The following LINC00305 variants were observed in gnomAD, a reference collection of about 807,000 sequenced individuals.
The protein encoded by LINC00305 is long intergenic non-protein coding RNA 305.
At chr18:64,147,742 G>A (rs145685157) in intron 1 of LINC00305, among the ~76,000 whole-genome samples, 60 of 152,250 alleles carry the variant, frequency 3.9e-4, no homozygotes, top group African/African-American at 1.4e-3. Context: ...ATATGATGAC[G>A]TGGATTGATA....
intron 1 of LINC00305, among the ~76,000 whole-genome samples, chr18:64,139,781 G>A (rs1197037131): frequency 1.3e-5 from 2 of 152,080 alleles, no homozygotes; most frequent in Non-Finnish European, 2.9e-5. Flanking sequence ...TCTAGAAGTT[G>A]TCCTTTTAAC....
intron 3 of LINC00305, among the ~76,000 whole-genome samples, chr18:64,085,823 C>T (rs1157984667): frequency 1.3e-5 from 2 of 152,194 alleles, no homozygotes; most frequent in Non-Finnish European, 2.9e-5. Context: ...ATGGGGACAA[C>T]TCTAGCTTTA....
chr18:64,080,159 C>T (rs1050689280), exon 4 of LINC00305: 1 of 221,928 alleles, frequency 4.5e-6, no homozygotes, highest in African/African-American at 2.3e-5. Flanking sequence ...CTGCATGAGA[C>T]CTTTCAATGG....
exon 3 of LINC00305, chr18:64,097,981 T>A (rs189894809): frequency 2.3e-4 from 107 of 457,808 alleles, no homozygotes; most frequent in Non-Finnish European, 4.4e-4. Context: ...TCTTTGCAGG[T>A]CGCAGAGATG....
chr18:64,112,958 T>A (rs1227320704), intron 1 of LINC00305, among the ~76,000 whole-genome samples: 1 of 152,226 alleles, frequency 6.6e-6, no homozygotes, highest in Non-Finnish European at 1.5e-5. Context: ...TCCTGAGCCT[T>A]CTACTGAGAG....
chr18:64,125,047 C>T (rs1241725870), intron 1 of LINC00305, among the ~76,000 whole-genome samples: 1 of 152,108 alleles, frequency 6.6e-6, no homozygotes, highest in African/African-American at 2.4e-5. Context: ...TGACACTGCT[C>T]ACAGTGAGTT....
At chr18:64,119,612 G>C (rs1191765408) in intron 1 of LINC00305, among the ~76,000 whole-genome samples, 1 of 152,012 alleles carries the variant, frequency 6.6e-6, no homozygotes, top group Non-Finnish European at 1.5e-5. Context: ...TGTCAACAAT[G>C]CTTTTTCACA....
chr18:64,099,392 A>T (rs1294045180), intron 1 of LINC00305, among the ~76,000 whole-genome samples: 1 of 152,112 alleles, frequency 6.6e-6, no homozygotes, highest in Non-Finnish European at 1.5e-5. Flanking sequence ...CTCATAGGGG[A>T]ATCAGAGAGG....
intron 1 of LINC00305, among the ~76,000 whole-genome samples, chr18:64,111,943 T>G (rs1345703519): frequency 6.6e-6 from 1 of 152,242 alleles, no homozygotes; most frequent in Non-Finnish European, 1.5e-5. Context: ...AAGTGAGAGC[T>G]TAATGTGGAT....
At chr18:64,140,273 A>T (rs979989226) in intron 1 of LINC00305, among the ~76,000 whole-genome samples, 8 of 151,858 alleles carry the variant, frequency 5.3e-5, no homozygotes, top group Admixed American at 2.0e-4. Flanking sequence ...CAGTAGTGTG[A>T]TGTCAGCTCA....
At chr18:64,142,848 G>A (rs1244021656) in intron 1 of LINC00305, among the ~76,000 whole-genome samples, 1 of 152,102 alleles carries the variant, frequency 6.6e-6, no homozygotes, top group Non-Finnish European at 1.5e-5. Flanking sequence ...AAAACGAGAT[G>A]GATGCATGCC....
chr18:64,121,656 G>C (rs776838339), intron 1 of LINC00305, among the ~76,000 whole-genome samples: 1 of 151,880 alleles, frequency 6.6e-6, no homozygotes, highest in Non-Finnish European at 1.5e-5. Flanking sequence ...ATAAACATAC[G>C]GGCACAGGTA....
intron 3 of LINC00305, among the ~76,000 whole-genome samples, chr18:64,088,310 TC>T (rs2144893666): frequency 6.6e-6 from 1 of 152,330 alleles, no homozygotes. Context: ...TTCTTCTGTT[TC>T]CATCTCCTTA....
chr18:64,086,000 C>A lies in LINC00305; in HGVS notation n.541-5598G>T, dbSNP rs1021827697. Among the ~76,000 whole-genome samples the A allele has an allele frequency of 3.3e-5, 5 of 152,206 alleles. No individual in the cohort carries two copies. In the East Asian group the frequency reaches 9.6e-4, roughly 29 times the overall value. On this transcript the variant is annotated intron_variant and non_coding_transcript_variant, in intron 3 of 3. Transcript: ENST00000666468. ...TGTCCATAGCATTTCATTTAGCATA[C>A]TGTTACACACAGAATATGTTCTTAA...
At chr18:64,144,650 A>G (rs1454564742) in intron 1 of LINC00305, among the ~76,000 whole-genome samples, 1 of 152,168 alleles carries the variant, frequency 6.6e-6, no homozygotes. Flanking sequence ...CTGGGATTAC[A>G]GGTGCCTGCC....
chr18:64,115,051 A>G (rs1172314964), intron 1 of LINC00305, among the ~76,000 whole-genome samples: 1 of 152,162 alleles, frequency 6.6e-6, no homozygotes, highest in African/African-American at 2.4e-5. Context: ...GGGATGCTTT[A>G]CTGCCACCAT....
rs1422999084 is a variant in LINC00305, at chr18:64,090,540, C to A, written n.540+7294G>T. Among the ~76,000 whole-genome samples, 3 of 152,124 alleles carry A rather than the reference C, an allele frequency of 2.0e-5. No individual in the cohort carries two copies. In the East Asian group the frequency reaches 5.8e-4, roughly 29 times the overall value. ...CGAAAGGGTTTATGTGAGAAAAATA[C>A]CTGCTTTTTTCAATTGATCAGTATG... On this transcript the variant is annotated intron_variant and non_coding_transcript_variant, in intron 3 of 3. Coordinates refer to ENST00000666468, the Ensembl canonical transcript of LINC00305.
chr18:64,115,342 T>C (rs776836117), intron 1 of LINC00305, among the ~76,000 whole-genome samples: 6 of 152,062 alleles, frequency 3.9e-5, no homozygotes, highest in Admixed American at 1.3e-4. Flanking sequence ...AGGCAACCCA[T>C]TGAGAACACA....
intron 1 of LINC00305, among the ~76,000 whole-genome samples, chr18:64,139,986 C>A (rs1326651010): frequency 2.0e-5 from 3 of 152,124 alleles, no homozygotes; most frequent in Non-Finnish European, 4.4e-5. Flanking sequence ...TCCAGTGACA[C>A]TGACCTTGTT....
Sources: gnomAD v4.1 joint callset for allele counts (sites outside exome capture counted in the v4.1 genomes callset) on GRCh38, gnomAD v4.1.1 for gene constraint, MANE v1.5 for transcripts, NCBI Gene and HGNC (gene_info 2026-07-23, HGNC 2026-07-21) for gene names.